FBXL13: variants seen among roughly 807,000 people sequenced by gnomAD.
FBXL13 encodes the protein F-box and leucine rich repeat protein 13, also known as F-box and leucine-rich repeat protein 13.
Under a neutral mutation model 83.6 loss-of-function variants are expected in FBXL13, and 67 were observed. That is an observed-to-expected ratio of 0.80 (90% CI 0.66 to 0.98). The LOEUF is 0.98. Among genes scored for constraint, FBXL13 ranks in the 50% least tolerant of loss-of-function variants. The pLI is 0.00. For synonymous variants in FBXL13, 272 were observed against 299.5 expected (o/e 0.91, Z 0.95); for missense variants, 822 against 866.5 (o/e 0.95, Z 0.64).
intron 9 of FBXL13, among the ~76,000 whole-genome samples, chr7:102,930,749 C>T (rs1360101129): frequency 2.0e-5 from 3 of 152,142 alleles, no homozygotes; most frequent in Non-Finnish European, 2.9e-5. Flanking sequence ...GTCTGCTCCT[C>T]TTCTCAAACC....
rs186094166 is a variant in FBXL13, at chr7:103,036,376, T to C, written c.1-6958A>G. 7.3e-3 allele frequency among the ~76,000 whole-genome samples: 1,115 copies of C among 152,192 alleles called. 10 individuals carry two copies. Among genetic ancestry groups the C allele is most frequent in the African/African-American group, 0.025 (1,053 of 41,494 alleles). ...TTTTATTTTTCAAAAGCCCTACAAG[T>C]TAATAACAATGGCAAAAAGAAGCCA... On this transcript the variant is annotated intron_variant, in intron 2 of 19. Transcript: ENST00000313221.
intron 10 of FBXL13, among the ~76,000 whole-genome samples, chr7:102,919,974 C>T (rs1816667392): frequency 6.6e-6 from 1 of 152,104 alleles, no homozygotes; most frequent in African/African-American, 2.4e-5. Flanking sequence ...GCAAACACTA[C>T]AATTCGATAT....
Position 102,818,425 on chromosome 7 carries a change from G to A in FBXL13, c.2018+3615C>T, listed in dbSNP as rs138546395. Among the ~76,000 whole-genome samples the A allele has an allele frequency of 2.3e-3, 355 of 152,298 alleles. 1 individual carries two copies. The highest frequency in any genetic ancestry group is 0.02 in the Middle Eastern group (6 of 294). ...AAAGTGTATTTGTGAGGCAATATCT[G>A]TAAAATAGGATTTAGCACAGTACGT... On this transcript the variant is annotated intron_variant, in intron 19 of 19. Transcript: ENST00000313221.
intron 1 of FBXL13, among the ~76,000 whole-genome samples, chr7:103,060,431 T>C (rs1484054150): frequency 2.0e-5 from 3 of 152,120 alleles, no homozygotes; most frequent in Non-Finnish European, 4.4e-5. Context: ...AGAAAATAAA[T>C]TGAAAATATT....
chr7:103,072,557 G>A (rs1455232472), intron 1 of FBXL13, among the ~76,000 whole-genome samples: 2 of 152,156 alleles, frequency 1.3e-5, no homozygotes, highest in Admixed American at 6.5e-5. Flanking sequence ...GATGAGAAGA[G>A]GCCATCCCTT....
At chr7:102,951,023 G>A (rs556222945) in intron 8 of FBXL13, among the ~76,000 whole-genome samples, 99 of 152,234 alleles carry the variant, frequency 6.5e-4, no homozygotes, top group African/African-American at 2.2e-3. Context: ...ATAATGATGC[G>A]TAAATATAGC....
intron 1 of FBXL13, among the ~76,000 whole-genome samples, chr7:103,063,883 C>T (rs1798151448): frequency 1.3e-5 from 2 of 152,096 alleles, no homozygotes; most frequent in Non-Finnish European, 2.9e-5. Flanking sequence ...AAGAAATAAT[C>T]CCCTCATCTT....
intron 16 of FBXL13, among the ~76,000 whole-genome samples, chr7:102,874,671 A>G (rs1394163097): frequency 2.0e-5 from 3 of 151,860 alleles, no homozygotes; most frequent in Admixed American, 6.6e-5. Flanking sequence ...CTCAAGCCAT[A>G]CTCCCACCTG....
chr7:102,962,146 AC>A (rs1219772117), intron 8 of FBXL13, among the ~76,000 whole-genome samples: 2 of 151,278 alleles, frequency 1.3e-5, no homozygotes, highest in African/African-American at 4.9e-5. Context: ...CAAGAAAAAA[AC>A]AAACAACCCC....
chr7:102,883,627 A>C, exon 13 of FBXL13: 3 of 1,612,814 alleles, frequency 1.9e-6, no homozygotes, highest in Non-Finnish European at 2.5e-6. Context: ...ACAATCGGAG[A>C]TATGCGGTGC....
intron 6 of FBXL13, among the ~76,000 whole-genome samples, chr7:103,008,389 A>AAAAGC (rs1195034285): frequency 6.6e-6 from 1 of 152,162 alleles, no homozygotes; most frequent in African/African-American, 2.4e-5. Flanking sequence ...GATCAACTGT[A>AAAAGC]AAAGCATGCC....
intron 11 of FBXL13, among the ~76,000 whole-genome samples, chr7:102,887,607 A>G (rs1810967347): frequency 6.6e-6 from 1 of 152,202 alleles, no homozygotes; most frequent in South Asian, 2.1e-4. Context: ...CTTGCAGCAG[A>G]ATTGTTTCCT....
At chr7:102,884,858 T>C (rs186917191) in intron 11 of FBXL13, among the ~76,000 whole-genome samples, 1 of 152,320 alleles carries the variant, frequency 6.6e-6, no homozygotes, top group East Asian at 1.9e-4. Flanking sequence ...AATTTACCTA[T>C]TCTGAATATT....
At chr7:102,979,447 T>A (rs73408285) in intron 6 of FBXL13, among the ~76,000 whole-genome samples, 5,366 of 152,294 alleles carry the variant, frequency 0.035, 284 homozygotes, top group African/African-American at 0.12. Flanking sequence ...AATTCTTGAT[T>A]TAATCAAATC....
At chr7:102,877,626 G>T (rs747005109) in intron 15 of FBXL13, 33 bp from the exon 17 acceptor site, 1 of 1,589,938 alleles carries the variant, frequency 6.3e-7, no homozygotes, top group Non-Finnish European at 8.5e-7. Flanking sequence ...AATTTTAGCT[G>T]TCAATCATAT....
chr7:102,894,345 T>C (rs1484555046), intron 11 of FBXL13, among the ~76,000 whole-genome samples: 2 of 152,240 alleles, frequency 1.3e-5, no homozygotes, highest in Admixed American at 1.3e-4. Context: ...ATTACTGCAT[T>C]GAGTATTATA....
intron 1 of FBXL13, among the ~76,000 whole-genome samples, chr7:103,073,505 T>C (rs1437641567): frequency 2.0e-5 from 3 of 152,086 alleles, no homozygotes; most frequent in Admixed American, 2.0e-4. Flanking sequence ...ATGATAATAA[T>C]AATATGTCTT....
intron 6 of FBXL13, chr7:102,976,303 C>G (rs1827446346): frequency 1.5e-6 from 1 of 664,680 alleles, no homozygotes; most frequent in African/African-American, 1.8e-5. Flanking sequence ...AGGACCCACC[C>G]AGTCCTCCCA....
chr7:102,848,895 G>C (rs1366519308), intron 17 of FBXL13, among the ~76,000 whole-genome samples: 1 of 152,142 alleles, frequency 6.6e-6, no homozygotes, highest in African/African-American at 2.4e-5. Flanking sequence ...AGCTACTCGG[G>C]AGGCTGAGGC....
Sources: gnomAD v4.1 joint callset for allele counts (sites outside exome capture counted in the v4.1 genomes callset) on GRCh38, gnomAD v4.1.1 for gene constraint, MANE v1.5 for transcripts, NCBI Gene and HGNC (gene_info 2026-07-23, HGNC 2026-07-21) for gene names.